ATP8A2: variants seen among roughly 807,000 people sequenced by gnomAD.
ATP8A2 encodes phospholipid-transporting ATPase IB.
Under a neutral mutation model 165.6 loss-of-function variants are expected in ATP8A2, and 100 were observed. The ratio of observed to expected loss-of-function variants is 0.60; its 90% CI spans 0.51 to 0.71. ATP8A2 has a LOEUF of 0.71. ATP8A2 is among the 30% of genes least tolerant of loss of function. The pLI is 0.00. For missense variants in ATP8A2, 1,227 were observed against 1,479.5 expected, an observed-to-expected ratio of 0.83 and a Z score of 2.80; for synonymous variants, 543 against 548.8, an observed-to-expected ratio of 0.99 and a Z score of 0.15.
chr13:25,960,862 A>G (rs1955643004), intron 33 of ATP8A2, among the ~76,000 whole-genome samples: 1 of 151,872 alleles, frequency 6.6e-6, no homozygotes, highest in African/African-American at 2.4e-5. Context: ...TGGAAGCTGC[A>G]CTCCTTGCTG....
At chr13:25,618,154 C>T (rs1395961683) in intron 24 of ATP8A2, among the ~76,000 whole-genome samples, 2 of 152,132 alleles carry the variant, frequency 1.3e-5, no homozygotes, top group Admixed American at 6.6e-5. Context: ...TCTTTTGGTA[C>T]ATGTTATACC....
At chr13:25,812,289 C>T (rs1950895440) in intron 27 of ATP8A2, among the ~76,000 whole-genome samples, 1 of 150,662 alleles carries the variant, frequency 6.6e-6, no homozygotes, top group Non-Finnish European at 1.5e-5. Context: ...CTTCCCCTTC[C>T]TTCTGAAGCA....
chr13:25,680,598 TG>T (rs781288720), intron 24 of ATP8A2, among the ~76,000 whole-genome samples: 98 of 152,284 alleles, frequency 6.4e-4, no homozygotes, highest in Non-Finnish European at 9.7e-4. Context: ...GAATCATGGA[TG>T]CAATGCTGAA....
chr13:25,658,024 G>A (rs983118742), intron 24 of ATP8A2, among the ~76,000 whole-genome samples: 1 of 152,172 alleles, frequency 6.6e-6, no homozygotes, highest in African/African-American at 2.4e-5. Context: ...ACAGATTGGA[G>A]TAGTGAACTC....
intron 28 of ATP8A2, 83 bp downstream of exon 28, chr13:25,828,275 G>T: frequency 8.7e-7 from 1 of 1,142,924 alleles, no homozygotes; most frequent in Admixed American, 1.7e-5. Context: ...TCTGGGAAGT[G>T]TATCTGAGTC....
At chr13:25,681,814 T>C (rs1016843469) in intron 24 of ATP8A2, among the ~76,000 whole-genome samples, 2 of 152,218 alleles carry the variant, frequency 1.3e-5, no homozygotes, top group African/African-American at 4.8e-5. Flanking sequence ...TTAGATGTTG[T>C]TGGGGGTGGG....
At chr13:25,632,380 G>A (rs1237173758) in intron 24 of ATP8A2, among the ~76,000 whole-genome samples, 2 of 152,082 alleles carry the variant, frequency 1.3e-5, no homozygotes, top group Non-Finnish European at 2.9e-5. Context: ...ATCCTGCCTC[G>A]GTCTTTCCTG....
Position 25,892,478 on chromosome 13 carries a change from G to GTCTCTCTGTCTCTCTCTCTCTCTCTCTC in ATP8A2, c.3183+30077_3183+30078insGTCTCTCTCTCTCTCTCTCTCTCTCTCT, listed in dbSNP as rs1555286135. ...CATTTCTCTCTCTCTCTGTCTCTCT[G>GTCTCTCTGTCTCTCTCTCTCTCTCTCTC]TCTCTCTCTCTCTCTCTCTCTCTCT... is the stretch of plus-strand genomic sequence containing the variant. On this transcript the variant is annotated intron_variant, in intron 33 of 36. Coordinates refer to ENST00000381655, the MANE Select transcript of ATP8A2 (RefSeq NM_016529.6). Among the ~76,000 whole-genome samples the GTCTCTCTGTCTCTCTCTCTCTCTCTCTC allele has an allele frequency of 5.4e-4, 73 of 136,236 alleles. 1 individual carries two copies. Among genetic ancestry groups the GTCTCTCTGTCTCTCTCTCTCTCTCTCTC allele is most frequent in the African/African-American group, 2.0e-3 (68 of 33,854 alleles). The allele number at this position is 136,236 out of a possible 152,430, so 89.4% of individuals were successfully genotyped here.
intron 33 of ATP8A2, among the ~76,000 whole-genome samples, chr13:25,929,673 CACAGTGAG>C (rs928774649): frequency 1.3e-5 from 2 of 152,090 alleles, no homozygotes; most frequent in African/African-American, 4.8e-5. Flanking sequence ...AGCCTGGCAA[CACAGTGAG>C]ACCTCGTCTC....
At chr13:25,506,233 G>C (rs2137733539) in intron 2 of ATP8A2, among the ~76,000 whole-genome samples, 1 of 152,338 alleles carries the variant, frequency 6.6e-6, no homozygotes, top group South Asian at 2.1e-4. Context: ...CATTTGAGGG[G>C]AGCTGACAGA....
At chr13:25,682,388 G>A (rs1329114550) in intron 24 of ATP8A2, among the ~76,000 whole-genome samples, 1 of 152,182 alleles carries the variant, frequency 6.6e-6, no homozygotes, top group African/African-American at 2.4e-5. Context: ...TCCAGCCTAA[G>A]AGGCTGGAGC....
At chr13:25,498,941 A>G (rs1004833417) in intron 2 of ATP8A2, among the ~76,000 whole-genome samples, 3 of 152,116 alleles carry the variant, frequency 2.0e-5, no homozygotes, top group Admixed American at 6.6e-5. Flanking sequence ...GTACCCAGAG[A>G]CTGTTTATAT....
intron 1 of ATP8A2, among the ~76,000 whole-genome samples, chr13:25,387,295 C>T (rs2033089944): frequency 6.6e-6 from 1 of 152,166 alleles, no homozygotes; most frequent in Non-Finnish European, 1.5e-5. Context: ...CCTGTCTTTT[C>T]CAGACCTGAA....
At chr13:25,482,615 C>T (rs1346821779) in intron 2 of ATP8A2, among the ~76,000 whole-genome samples, 2 of 152,170 alleles carry the variant, frequency 1.3e-5, no homozygotes, top group African/African-American at 4.8e-5. Context: ...CTCTGGGTCC[C>T]TACCCAAATC....
intron 27 of ATP8A2, among the ~76,000 whole-genome samples, chr13:25,810,425 A>T (rs2138509507): frequency 6.6e-6 from 1 of 151,136 alleles, no homozygotes; most frequent in Admixed American, 6.6e-5. Context: ...AATAGCACTG[A>T]CTCCATTTGG....
At chr13:25,531,386 A>ATATATATATGT (rs1566230116) in intron 4 of ATP8A2, among the ~76,000 whole-genome samples, 17 of 58,524 alleles carry the variant, frequency 2.9e-4, no homozygotes, top group African/African-American at 2.0e-3. Flanking sequence ...TATATATATG[A>ATATATATATGT]TATATATATG....
chr13:25,513,242 G>A (rs559256807), intron 2 of ATP8A2, among the ~76,000 whole-genome samples: 15 of 151,898 alleles, frequency 9.9e-5, no homozygotes, highest in Non-Finnish European at 1.8e-4. Context: ...CTTCTCAGAC[G>A]GGGCGGCTGG....
At chr13:25,486,086 C>G (rs1409366592) in intron 2 of ATP8A2, among the ~76,000 whole-genome samples, 1 of 152,222 alleles carries the variant, frequency 6.6e-6, no homozygotes, top group Non-Finnish European at 1.5e-5. Context: ...TGCTGACAGT[C>G]TTTTCCTGTG....
Position 25,531,198 on chromosome 13 carries a change from T to C in ATP8A2, c.420+538T>C, listed in dbSNP as rs186994758. On this transcript the variant is annotated intron_variant, in intron 4 of 36. Coordinates refer to ENST00000381655, the MANE Select transcript of ATP8A2 (RefSeq NM_016529.6). The stretch of plus-strand genomic sequence containing the variant: ...TGATATATATATGTTATATATGTTA[T>C]ATATGATATATGTTATATATGATAT... Among the ~76,000 whole-genome samples the C allele has an allele frequency of 2.8e-5, 4 of 144,322 alleles. 1 individual carries two copies. Among genetic ancestry groups the C allele is most frequent in the African/African-American group, 1.0e-4 (4 of 39,254 alleles). 94.7% of individuals were successfully genotyped at this position (144,322 alleles called of 152,430 possible).
Sources: allele counts gnomAD v4.1 joint callset (sites outside exome capture counted in the v4.1 genomes callset), GRCh38; gene constraint gnomAD v4.1.1; transcripts MANE v1.5; gene names NCBI Gene and HGNC (gene_info 2026-07-23, HGNC 2026-07-21).